Variants in CALN1 observed in about 807,000 individuals in gnomAD.
The protein encoded by CALN1 is calneuron 1.
In CALN1, 17 loss-of-function variants were observed where a neutral mutation model predicts 30.6. The ratio of observed to expected loss-of-function variants is 0.56; its 90% CI spans 0.38 to 0.83. CALN1 has a LOEUF of 0.83. Among genes scored for constraint, CALN1 ranks in the 40% least tolerant of loss-of-function variants. CALN1 has a pLI of 0.00. For missense variants in CALN1, 291 were observed against 354.9 expected, an observed-to-expected ratio of 0.82 and a Z score of 1.45; for synonymous variants, 156 against 131.4, an observed-to-expected ratio of 1.19 and a Z score of -1.28.
At chr7:71,843,855 G>A (rs1168036910) in intron 5 of CALN1, among the ~76,000 whole-genome samples, 2 of 152,170 alleles carry the variant, frequency 1.3e-5, no homozygotes, top group African/African-American at 4.8e-5. Flanking sequence ...TTCTCTGACA[G>A]TGACTGAAAT....
intron 3 of CALN1, among the ~76,000 whole-genome samples, chr7:72,278,013 G>A (rs538388825): frequency 2.2e-5 from 3 of 138,572 alleles, no homozygotes; most frequent in Non-Finnish European, 3.2e-5. Flanking sequence ...TATTCCGGGG[G>A]GGGGGGACTT....
At chr7:72,044,843 C>A (rs1802369556) in intron 4 of CALN1, among the ~76,000 whole-genome samples, 1 of 152,070 alleles carries the variant, frequency 6.6e-6, no homozygotes, top group African/African-American at 2.4e-5. Flanking sequence ...CGATCTCCAC[C>A]TCCTGGCCTC....
At chr7:72,482,892 T>C in the CALN1 span, among the ~76,000 whole-genome samples, 1 of 152,176 alleles carries the variant, frequency 6.6e-6, no homozygotes, top group African/African-American at 2.4e-5. Context: ...TTATTGCAGA[T>C]ATGCTTTTTG....
chr7:71,884,722 G>C (rs930117305), intron 5 of CALN1, among the ~76,000 whole-genome samples: 3 of 152,058 alleles, frequency 2.0e-5, no homozygotes, highest in Non-Finnish European at 4.4e-5. Context: ...TTTCCAACCC[G>C]ACTCTGGCAT....
chr7:72,383,483 C>G (rs1414681569), intron 2 of CALN1, among the ~76,000 whole-genome samples: 1 of 152,096 alleles, frequency 6.6e-6, no homozygotes, highest in African/African-American at 2.4e-5. Context: ...TGATTTGCCT[C>G]TCTCTGGTGG....
chr7:72,467,545 C>T, the CALN1 span, among the ~76,000 whole-genome samples: 7 of 152,102 alleles, frequency 4.6e-5, no homozygotes, highest in African/African-American at 1.7e-4. Context: ...CAGAGCCCCA[C>T]CCAGATTGGT....
the CALN1 span, among the ~76,000 whole-genome samples, chr7:72,496,548 G>A: frequency 6.6e-6 from 1 of 152,190 alleles, no homozygotes; most frequent in Non-Finnish European, 1.5e-5. Flanking sequence ...TCTTCTGAAA[G>A]CACTCTTCAA....
intron 4 of CALN1, among the ~76,000 whole-genome samples, chr7:72,038,707 C>T (rs969116766): frequency 6.6e-6 from 1 of 152,164 alleles, no homozygotes; most frequent in Admixed American, 6.5e-5. Flanking sequence ...CCAAAGCCCA[C>T]CAAAACCAAG....
chr7:72,052,636 T>C (rs1358735089), intron 4 of CALN1, among the ~76,000 whole-genome samples: 3 of 152,202 alleles, frequency 2.0e-5, no homozygotes, highest in Non-Finnish European at 4.4e-5. Context: ...GGGCTTCCCC[T>C]AACCTGTTGG....
chr7:72,202,140 C>T (rs1259188754), intron 3 of CALN1, among the ~76,000 whole-genome samples: 2 of 152,060 alleles, frequency 1.3e-5, no homozygotes, highest in African/African-American at 4.8e-5. Flanking sequence ...ATACAAGTAA[C>T]ATAAGATTTG....
intron 2 of CALN1, among the ~76,000 whole-genome samples, chr7:72,368,056 G>T (rs529481234): frequency 3.5e-4 from 53 of 152,080 alleles, no homozygotes; most frequent in African/African-American, 1.2e-3. Context: ...GGGAGGCAGA[G>T]CTTGCAGTGA....
chr7:72,139,951 A>G lies in CALN1; in HGVS notation c.245-33657T>C, dbSNP rs530172532. On this transcript the variant is annotated intron_variant, in intron 3 of 6. Coordinates refer to ENST00000395275, the MANE Select transcript of CALN1 (RefSeq NM_031468.4). Reference sequence around the variant, plus strand: ...GGAGAAGAGGCCCCTCTCCTCTGTAATCTCGTTGGAATATTTCACCACTGT... The same window carrying G: ...GGAGAAGAGGCCCCTCTCCTCTGTAGTCTCGTTGGAATATTTCACCACTGT... 5.7e-4 allele frequency among the ~76,000 whole-genome samples: 86 copies of G among 152,158 alleles called. 1 individual carries two copies. The highest frequency in any genetic ancestry group is 5.4e-3 in the Admixed American group (82 of 15,284).
At chr7:71,948,238 G>C (rs539869603) in intron 5 of CALN1, among the ~76,000 whole-genome samples, 3 of 15,886 alleles carry the variant, frequency 1.9e-4, no homozygotes, top group East Asian at 4.1e-4. Context: ...GTTCTGAGTG[G>C]GGGGGAAGAG....
intron 2 of CALN1, among the ~76,000 whole-genome samples, chr7:72,306,984 G>A (rs892115942): frequency 3.9e-5 from 6 of 152,220 alleles, no homozygotes; most frequent in Admixed American, 1.3e-4. Flanking sequence ...GCCTCAACAT[G>A]TGAATTTGGG....
the CALN1 span, among the ~76,000 whole-genome samples, chr7:72,487,713 A>AAAAGAAAGAAAGAAAGAAAGAAAG: frequency 1.7e-4 from 12 of 68,704 alleles, 1 homozygote; most frequent in African/African-American, 1.1e-3. Context: ...AAAAGAAAAG[A>AAAAGAAAGAAAGAAAGAAAGAAAG]AAAGAAAGAA....
intron 3 of CALN1, among the ~76,000 whole-genome samples, chr7:72,191,552 CAAAAAAAAAAAAAAAA>C (rs55780039): frequency 1.2e-4 from 9 of 72,490 alleles, no homozygotes; most frequent in African/African-American, 4.9e-4. Context: ...GACTCCGTCT[CAAAAAAAAAAAAAAAA>C]AAAAAAAAAA....
chr7:71,995,964 A>C (rs77503731), intron 5 of CALN1, among the ~76,000 whole-genome samples: 1 of 152,104 alleles, frequency 6.6e-6, no homozygotes, highest in Non-Finnish European at 1.5e-5. Context: ...CTCCTCCCGC[A>C]AAGAGATACA....
rs56192893 is a variant in CALN1, at chr7:72,320,834, CAAAAAAA to C, written c.120-42031_120-42025del. The stretch of plus-strand genomic sequence containing the variant: ...TGGGCGACAGAGCGAGACTCCATCT[CAAAAAAA>C]AAAAAAAAAAAAAAAAGAATCACAG... On this transcript the variant is annotated intron_variant, in intron 2 of 6. Coordinates refer to ENST00000395275, the MANE Select transcript of CALN1 (RefSeq NM_031468.4). 3.6e-3 allele frequency among the ~76,000 whole-genome samples: 244 copies of C among 67,156 alleles called. 1 individual carries two copies. Among genetic ancestry groups the C allele is most frequent in the African/African-American group, 0.012 (213 of 17,738 alleles). 44.1% of individuals were successfully genotyped at this position (67,156 alleles called of 152,430 possible).
At chr7:72,164,341 C>A (rs1167536579) in intron 3 of CALN1, among the ~76,000 whole-genome samples, 1 of 111,714 alleles carries the variant, frequency 9.0e-6, no homozygotes, top group Admixed American at 1.0e-4. Context: ...ACAAGAGCAA[C>A]ACTCCGTCAA....
Sources: gnomAD v4.1 joint callset for allele counts (sites outside exome capture counted in the v4.1 genomes callset) on GRCh38, gnomAD v4.1.1 for gene constraint, MANE v1.5 for transcripts, NCBI Gene and HGNC (gene_info 2026-07-23, HGNC 2026-07-21) for gene names.